Variants in CACNB2 observed in about 807,000 individuals in gnomAD.
CACNB2 encodes calcium voltage-gated channel auxiliary subunit beta 2, also known as voltage-dependent L-type calcium channel subunit beta-2.
In CACNB2, 42 loss-of-function variants were observed where a neutral mutation model predicts 73.3. That is an observed-to-expected ratio of 0.57 (90% CI 0.45 to 0.74). The LOEUF (loss-of-function observed/expected upper bound fraction) is 0.74, where lower values mean the gene tolerates loss of function less well. Ranked by LOEUF, CACNB2 falls within the 30% of genes least tolerant of loss-of-function variation. CACNB2 has a pLI of 0.00. For synonymous variants in CACNB2, 348 were observed against 310.3 expected (o/e 1.12, Z -1.28); for missense variants, 940 against 853.0 (o/e 1.10, Z -1.27).
intron 2 of CACNB2, among the ~76,000 whole-genome samples, chr10:18,322,720 A>T (rs78425190): frequency 1.3e-5 from 2 of 152,320 alleles, no homozygotes; most frequent in East Asian, 3.9e-4. Flanking sequence ...CATTAAAGGA[A>T]TAAATTCTTA....
intron 2 of CACNB2, among the ~76,000 whole-genome samples, chr10:18,356,152 T>C (rs2041900835): frequency 1.3e-5 from 2 of 152,148 alleles, no homozygotes; most frequent in African/African-American, 2.4e-5. Context: ...TTCCCCGCTG[T>C]AATATTGCTT....
chr10:18,275,115 G>T (rs1238537667), intron 2 of CACNB2, among the ~76,000 whole-genome samples: 1 of 152,118 alleles, frequency 6.6e-6, no homozygotes, highest in African/African-American at 2.4e-5. Context: ...GGCATTTTAT[G>T]CAGTCAGTCA....
At chr10:18,314,464 T>C (rs896424652) in intron 2 of CACNB2, among the ~76,000 whole-genome samples, 1 of 152,040 alleles carries the variant, frequency 6.6e-6, no homozygotes, top group African/African-American at 2.4e-5. Context: ...TCAGTAAATA[T>C]CAGGGTTTTT....
At chr10:18,357,944 G>T (rs978154039) in intron 2 of CACNB2, among the ~76,000 whole-genome samples, 2 of 152,174 alleles carry the variant, frequency 1.3e-5, no homozygotes, top group Non-Finnish European at 2.9e-5. Context: ...TGGCGGGCAG[G>T]AATCATATTT....
chr10:18,268,472 C>T (rs566529429), intron 2 of CACNB2, among the ~76,000 whole-genome samples: 3 of 152,216 alleles, frequency 2.0e-5, no homozygotes, highest in East Asian at 3.9e-4. Flanking sequence ...TATAGACTTA[C>T]GTAGAAGGAG....
At chr10:18,449,246 G>A (rs7069271) in intron 3 of CACNB2, among the ~76,000 whole-genome samples, 3,166 of 152,184 alleles carry the variant, frequency 0.021, 96 homozygotes, top group African/African-American at 0.072. Flanking sequence ...TTAGCCGGGC[G>A]TGGTGGCGGG....
chr10:18,234,343 G>A (rs1329149966), intron 2 of CACNB2: 3 of 152,220 alleles, frequency 2.0e-5, no homozygotes, highest in Admixed American at 1.3e-4. Context: ...CAGTTCCTCA[G>A]CATATTAAGC....
intron 2 of CACNB2, among the ~76,000 whole-genome samples, chr10:18,177,030 GTGT>G (rs1348343427): frequency 6.6e-6 from 1 of 152,118 alleles, no homozygotes; most frequent in African/African-American, 2.4e-5. Context: ...CTGAGGGAAA[GTGT>G]TGTTTTCACT....
intron 2 of CACNB2, among the ~76,000 whole-genome samples, chr10:18,156,554 C>T (rs11012832): frequency 0.17 from 25,671 of 152,068 alleles, 2,238 homozygotes; most frequent in African/African-American, 0.19. Flanking sequence ...GGGTCATTGG[C>T]TGTGCGTGGC....
chr10:18,367,221 T>C (rs537843112), intron 2 of CACNB2, among the ~76,000 whole-genome samples: 120 of 145,132 alleles, frequency 8.3e-4, no homozygotes, highest in Admixed American at 2.7e-3. Flanking sequence ...TTTTTTTTTT[T>C]CCCTTAGGGA....
chr10:18,243,890 A>G (rs948509189), intron 2 of CACNB2, among the ~76,000 whole-genome samples: 12 of 152,206 alleles, frequency 7.9e-5, no homozygotes, highest in African/African-American at 2.9e-4. Flanking sequence ...GTATTCAGTT[A>G]TAGCCATGGC....
intron 2 of CACNB2, among the ~76,000 whole-genome samples, chr10:18,282,112 T>A (rs372398370): frequency 6.6e-6 from 1 of 151,090 alleles, no homozygotes; most frequent in East Asian, 1.9e-4. Flanking sequence ...AGGATGGCAG[T>A]GGGGAGCATT....
chr10:18,371,650 C>A (rs888616706), intron 2 of CACNB2, among the ~76,000 whole-genome samples: 22 of 152,206 alleles, frequency 1.4e-4, no homozygotes, highest in Non-Finnish European at 1.3e-4. Context: ...GTGAATAGTG[C>A]CACAATAAAC....
rs541974849 is a variant in CACNB2, at chr10:18,465,225, A to G, written c.334-33130A>G. ...CACACCTGTAGTCCTAGCTACTCAG[A>G]AGGCTGAGGCAGGAGAATTGCTTGA... On this transcript the variant is annotated intron_variant, in intron 3 of 13. Coordinates refer to ENST00000324631, the MANE Select transcript of CACNB2 (RefSeq NM_201596.3). 2.0e-5 allele frequency among the ~76,000 whole-genome samples: 3 copies of G among 152,254 alleles called. No individual in the cohort carries two copies. In the East Asian group the frequency reaches 5.8e-4, roughly 29 times the overall value.
intron 6 of CACNB2, among the ~76,000 whole-genome samples, chr10:18,512,660 A>G (rs993853833): frequency 6.6e-6 from 1 of 152,190 alleles, no homozygotes; most frequent in Non-Finnish European, 1.5e-5. Flanking sequence ...AAACACTACA[A>G]TCAACACATT....
At chr10:18,251,591 G>C (rs1472409761) in intron 2 of CACNB2, among the ~76,000 whole-genome samples, 1 of 152,160 alleles carries the variant, frequency 6.6e-6, no homozygotes, top group Non-Finnish European at 1.5e-5. Flanking sequence ...CACTGTATTA[G>C]TCCGTTCTCA....
At chr10:18,319,053 T>C (rs2131941794) in intron 2 of CACNB2, among the ~76,000 whole-genome samples, 1 of 152,260 alleles carries the variant, frequency 6.6e-6, no homozygotes. Context: ...TTCTCAAGGA[T>C]CTACAACCAG....
chr10:18,466,334 G>T (rs529190128), intron 3 of CACNB2, among the ~76,000 whole-genome samples: 2 of 152,166 alleles, frequency 1.3e-5, no homozygotes, highest in South Asian at 2.1e-4. Flanking sequence ...CTTCTGGACT[G>T]AAGCAACCCT....
At chr10:18,227,706 G>A (rs561390971) in intron 2 of CACNB2, among the ~76,000 whole-genome samples, 29 of 152,272 alleles carry the variant, frequency 1.9e-4, no homozygotes, top group African/African-American at 6.7e-4. Context: ...GGGAGTATGC[G>A]CTCCAGCAAG....
Sources: gnomAD v4.1 joint callset for allele counts (sites outside exome capture counted in the v4.1 genomes callset) on GRCh38, gnomAD v4.1.1 for gene constraint, MANE v1.5 for transcripts, NCBI Gene and HGNC (gene_info 2026-07-23, HGNC 2026-07-21) for gene names.